Variants in LRP1B observed in about 807,000 individuals in gnomAD.
The protein encoded by LRP1B is low-density lipoprotein receptor-related protein 1B.
In LRP1B, 217 loss-of-function variants were observed where a neutral mutation model predicts 556.6. The observed-to-expected ratio is 0.39, with a 90% CI of 0.35 to 0.44. The LOEUF (loss-of-function observed/expected upper bound fraction) is 0.44, where lower values mean the gene tolerates loss of function less well. Among genes scored for constraint, LRP1B ranks in the 20% least tolerant of loss-of-function variants. LRP1B has a pLI of 1.00. For synonymous variants in LRP1B, 2,047 were observed against 1,865.8 expected (o/e 1.10, Z -2.50); for missense variants, 5,053 against 5,620.8 (o/e 0.90, Z 3.23).
chr2:141,660,797 G>A (rs144778140), intron 2 of LRP1B, among the ~76,000 whole-genome samples: 1,596 of 152,214 alleles, frequency 0.01, 21 homozygotes, highest in African/African-American at 0.037. Flanking sequence ...TCCCTGCAGC[G>A]CAGTGCACAC....
intron 2 of LRP1B, among the ~76,000 whole-genome samples, chr2:141,683,098 T>G (rs1691162849): frequency 6.6e-6 from 1 of 152,096 alleles, no homozygotes; most frequent in African/African-American, 2.4e-5. Flanking sequence ...ACAGTTCCAC[T>G]GATACTTTGA....
chr2:141,894,796 T>A (rs1699394879), intron 1 of LRP1B, among the ~76,000 whole-genome samples: 1 of 151,954 alleles, frequency 6.6e-6, no homozygotes, highest in South Asian at 2.1e-4. Flanking sequence ...ATGCCTGTAA[T>A]CCCAGCACCT....
chr2:142,113,054 A>G, intron 1 of LRP1B, among the ~76,000 whole-genome samples: 1 of 152,118 alleles, frequency 6.6e-6, no homozygotes, highest in East Asian at 1.9e-4. Flanking sequence ...CAGCCTCAAC[A>G]TATCTTGGTA....
At chr2:140,334,581 G>A (rs1157152777) in intron 78 of LRP1B, 22 bp from the exon 79 acceptor site, 1 of 1,369,564 alleles carries the variant, frequency 7.3e-7, no homozygotes, top group Non-Finnish European at 1.0e-6. Flanking sequence ...GGGTCAGAGA[G>A]GTTAGCCTGG....
At chr2:140,668,545 A>G (rs1398606874) in intron 41 of LRP1B, among the ~76,000 whole-genome samples, 1 of 152,070 alleles carries the variant, frequency 6.6e-6, no homozygotes, top group African/African-American at 2.4e-5. Context: ...ATTTTAAACA[A>G]TTTTACAAGT....
intron 1 of LRP1B, among the ~76,000 whole-genome samples, chr2:141,929,797 C>G (rs1428091548): frequency 6.7e-6 from 1 of 149,958 alleles, no homozygotes; most frequent in Admixed American, 6.8e-5. Flanking sequence ...TCCACAAATA[C>G]TGGTGTTTGC....
intron 2 of LRP1B, among the ~76,000 whole-genome samples, chr2:141,516,889 G>A (rs934152303): frequency 1.3e-5 from 2 of 150,192 alleles, no homozygotes; most frequent in African/African-American, 4.9e-5. Flanking sequence ...GAGAGATGGA[G>A]TTTCAGCACG....
In LRP1B at chr2:142,007,150, T is replaced by C. The variant is rs1184751655; in HGVS notation, c.82+123498A>G. 2.6e-5 allele frequency among the ~76,000 whole-genome samples: 4 copies of C among 152,296 alleles called. No homozygotes were observed. In the South Asian group the frequency reaches 6.2e-4, roughly 24 times the overall value. On this transcript the variant is annotated intron_variant, in intron 1 of 90. Transcript: ENST00000389484. ...CAAGAAATCAAACCCTAAATAATTATGGTCTTTTAAACTCAGATTATTTTA... is the reference window on the plus strand; with the variant it reads ...CAAGAAATCAAACCCTAAATAATTACGGTCTTTTAAACTCAGATTATTTTA...
intron 2 of LRP1B, among the ~76,000 whole-genome samples, chr2:141,603,530 A>G (rs1687821678): frequency 6.6e-6 from 1 of 152,172 alleles, no homozygotes; most frequent in Non-Finnish European, 1.5e-5. Context: ...AAAAAGTTAT[A>G]GTGGGATCAT....
rs1696884022 is a variant in LRP1B, at chr2:141,825,227, G to A, written c.83-14826C>T. Reference sequence around the variant, plus strand: ...AACCTTTTTCTATTATTTATTTACAGCTTTGTGAATAATAGATCAAAGGAA... The same window carrying A: ...AACCTTTTTCTATTATTTATTTACAACTTTGTGAATAATAGATCAAAGGAA... On this transcript the variant is annotated intron_variant, in intron 1 of 90. Coordinates refer to ENST00000389484, the MANE Select transcript of LRP1B (RefSeq NM_018557.3). Among the ~76,000 whole-genome samples the A allele has an allele frequency of 2.0e-5, 3 of 152,154 alleles. No homozygotes were observed. In the South Asian group the frequency reaches 6.2e-4, roughly 31 times the overall value.
intron 2 of LRP1B, among the ~76,000 whole-genome samples, chr2:141,783,569 C>A (rs959992058): frequency 1.3e-5 from 2 of 151,844 alleles, no homozygotes; most frequent in African/African-American, 4.8e-5. Context: ...TTTTTCTCAT[C>A]TCAAAATTTA....
chr2:141,004,528 T>C (rs114695014), intron 15 of LRP1B, among the ~76,000 whole-genome samples: 1,577 of 152,208 alleles, frequency 0.01, 29 homozygotes, highest in African/African-American at 0.035. Context: ...TGGACTCTCA[T>C]GGATTTCCAG....
At position 141,619,657 on chromosome 2, in the gene LRP1B, T is replaced by C. The variant is rs186888534; in HGVS notation, c.206-139124A>G. On this transcript the variant is annotated intron_variant, in intron 2 of 90. Transcript: ENST00000389484. Reference sequence around the variant, plus strand: ...TCTGTGAGTTTGCAAATTAATGAATTCAAATTATCTGGAGCTTAGTTCAAC... The same window carrying C: ...TCTGTGAGTTTGCAAATTAATGAATCCAAATTATCTGGAGCTTAGTTCAAC... Among the ~76,000 whole-genome samples the C allele has an allele frequency of 5.3e-5, 8 of 152,310 alleles. No individual in the cohort carries two copies. In the East Asian group the frequency reaches 1.5e-3, roughly 29 times the overall value.
chr2:140,782,061 G>A (rs1559115655), intron 32 of LRP1B, among the ~76,000 whole-genome samples: 1 of 151,958 alleles, frequency 6.6e-6, no homozygotes. Context: ...ATTTTTTGTT[G>A]TTGTTGTTTC....
At chr2:140,581,017 G>T (rs559364222) in intron 43 of LRP1B, among the ~76,000 whole-genome samples, 1 of 152,304 alleles carries the variant, frequency 6.6e-6, no homozygotes, top group South Asian at 2.1e-4. Context: ...TAAATCAAAA[G>T]AACTGCACTA....
At chr2:140,906,153 C>T (rs2105228755) in intron 22 of LRP1B, among the ~76,000 whole-genome samples, 1 of 152,234 alleles carries the variant, frequency 6.6e-6, no homozygotes, top group Middle Eastern at 3.4e-3. Flanking sequence ...ATGCTGCAAT[C>T]ATGACAAAAT....
chr2:140,292,811 A>C (rs1683444844), intron 84 of LRP1B, among the ~76,000 whole-genome samples: 1 of 152,168 alleles, frequency 6.6e-6, no homozygotes, highest in Admixed American at 6.5e-5. Flanking sequence ...TGATGAACTG[A>C]CTCATGGGAT....
chr2:140,425,705 C>A (rs546974130), intron 66 of LRP1B, among the ~76,000 whole-genome samples: 18 of 152,266 alleles, frequency 1.2e-4, no homozygotes, highest in African/African-American at 4.3e-4. Flanking sequence ...CGTACCCGTC[C>A]CTGTTCACCC....
At chr2:140,597,408 T>G (rs1682486326) in intron 43 of LRP1B, among the ~76,000 whole-genome samples, 1 of 152,112 alleles carries the variant, frequency 6.6e-6, no homozygotes, top group Non-Finnish European at 1.5e-5. Flanking sequence ...TAAACTCATT[T>G]TTTTCAATAT....
Sources: gnomAD v4.1 joint callset for allele counts (sites outside exome capture counted in the v4.1 genomes callset) on GRCh38, gnomAD v4.1.1 for gene constraint, MANE v1.5 for transcripts, NCBI Gene and HGNC (gene_info 2026-07-23, HGNC 2026-07-21) for gene names.